The following SMYD3 variants were observed in gnomAD, a reference collection of about 807,000 sequenced individuals.
SMYD3 encodes SET and MYND domain containing 3, also known as histone-lysine N-methyltransferase SMYD3.
In SMYD3, 36 loss-of-function variants were observed where a neutral mutation model predicts 57.7. The ratio of observed to expected loss-of-function variants is 0.62; its 90% confidence interval spans 0.48 to 0.82. SMYD3 has a LOEUF of 0.82. Ranked by LOEUF, SMYD3 falls within the 40% of genes least tolerant of loss-of-function variation. The pLI, the probability that SMYD3 is intolerant of heterozygous loss-of-function variation, is 0.00. For synonymous variants in SMYD3, 211 were observed against 195.0 expected (o/e 1.08, Z -0.68); for missense variants, 515 against 538.8 (o/e 0.96, Z 0.44).
At chr1:246,179,806 A>G (rs1244081131) in intron 5 of SMYD3, among the ~76,000 whole-genome samples, 2 of 152,002 alleles carry the variant, frequency 1.3e-5, no homozygotes, top group Non-Finnish European at 2.9e-5. Flanking sequence ...GATAGCGGAG[A>G]TTTGGACCCT....
intron 5 of SMYD3, chr1:246,326,335 G>C (rs542518588): frequency 1.5e-6 from 1 of 688,286 alleles, no homozygotes; most frequent in African/African-American, 1.8e-5. Flanking sequence ...CAGTGAGGGG[G>C]TGTTTCTGTC....
intron 8 of SMYD3, among the ~76,000 whole-genome samples, chr1:245,868,850 C>T (rs991932562): frequency 2.0e-5 from 3 of 152,106 alleles, no homozygotes; most frequent in Admixed American, 2.0e-4. Context: ...CGTCTCCCCT[C>T]TCTCCACACC....
intron 5 of SMYD3, among the ~76,000 whole-genome samples, chr1:246,072,942 G>A (rs1037615245): frequency 2.0e-5 from 3 of 152,056 alleles, no homozygotes; most frequent in African/African-American, 7.2e-5. Flanking sequence ...CCTTTTTTCT[G>A]TGTCTCCATT....
chr1:245,932,468 C>A (rs1019565553), intron 5 of SMYD3, among the ~76,000 whole-genome samples: 1 of 152,130 alleles, frequency 6.6e-6, no homozygotes, highest in Non-Finnish European at 1.5e-5. Flanking sequence ...ACAACTGGAT[C>A]GTAAAATACT....
intron 5 of SMYD3, among the ~76,000 whole-genome samples, chr1:246,290,641 G>C (rs535969671): frequency 6.6e-5 from 10 of 152,180 alleles, no homozygotes; most frequent in African/African-American, 1.9e-4. Context: ...ATATCAATAA[G>C]CAATATCACA....
At position 246,107,026 on chromosome 1, in the gene SMYD3, A is replaced by G. The variant is rs539225770; in HGVS notation, c.532-177089T>C. Among the ~76,000 whole-genome samples the G allele has an allele frequency of 3.1e-3, 471 of 152,172 alleles. 1 individual carries two copies. The highest frequency in any genetic ancestry group is 5.2e-3 in the Non-Finnish European group (357 of 68,008). On this transcript the variant is annotated intron_variant, in intron 5 of 11. Coordinates refer to ENST00000490107, the MANE Select transcript of SMYD3 (RefSeq NM_001167740.2). ...TTAAAAAGAATTTTGAAGGCCGGGC[A>G]CGGTGGCTCACGCCTGTAATCCCAG...
chr1:246,239,067 A>T (rs1199476358), intron 5 of SMYD3, among the ~76,000 whole-genome samples: 2 of 152,124 alleles, frequency 1.3e-5, no homozygotes, highest in Non-Finnish European at 2.9e-5. Flanking sequence ...TTCCAGCAGG[A>T]CAGTGTGTAC....
chr1:246,113,184 A>T (rs1004044108), intron 5 of SMYD3, among the ~76,000 whole-genome samples: 13 of 145,520 alleles, frequency 8.9e-5, no homozygotes, highest in East Asian at 2.1e-4. Flanking sequence ...TCTGTCTCAA[A>T]AAATAAATAA....
At chr1:246,221,868 C>A (rs2063260536) in intron 5 of SMYD3, among the ~76,000 whole-genome samples, 1 of 152,136 alleles carries the variant, frequency 6.6e-6, no homozygotes, top group African/African-American at 2.4e-5. Flanking sequence ...CAGGTCCAAG[C>A]AAAACTCAGG....
At chr1:245,761,313 G>A (rs570243923) in intron 11 of SMYD3, among the ~76,000 whole-genome samples, 7 of 152,226 alleles carry the variant, frequency 4.6e-5, no homozygotes, top group South Asian at 4.2e-4. Context: ...TGAAAGAGGC[G>A]ATGCAACCTC....
At chr1:245,852,581 A>T (rs1057258088) in intron 10 of SMYD3, among the ~76,000 whole-genome samples, 1 of 152,212 alleles carries the variant, frequency 6.6e-6, no homozygotes, top group Non-Finnish European at 1.5e-5. Flanking sequence ...AAAGTAAAAC[A>T]TAAGTAATGA....
At chr1:245,986,277 T>C (rs986100752) in intron 5 of SMYD3, among the ~76,000 whole-genome samples, 1 of 152,190 alleles carries the variant, frequency 6.6e-6, no homozygotes, top group Non-Finnish European at 1.5e-5. Context: ...TCTGGAGAAG[T>C]TTTCTCATTA....
intron 5 of SMYD3, chr1:246,186,606 G>T: frequency 3.6e-6 from 1 of 275,510 alleles, no homozygotes; most frequent in Non-Finnish European, 5.5e-6. Context: ...CTAACTTTCT[G>T]AAAGCCCTCA....
intron 5 of SMYD3, among the ~76,000 whole-genome samples, chr1:246,099,150 G>C (rs180828037): frequency 6.6e-6 from 1 of 152,172 alleles, no homozygotes; most frequent in East Asian, 1.9e-4. Flanking sequence ...AGTTTGTGTC[G>C]GGCCTATCGG....
intron 2 of SMYD3, among the ~76,000 whole-genome samples, chr1:246,339,853 T>C (rs1164222580): frequency 1.3e-5 from 2 of 152,372 alleles, no homozygotes; most frequent in South Asian, 2.1e-4. Flanking sequence ...GCTCCCGTCA[T>C]GTGACGCCTT....
chr1:246,267,223 G>A (rs1322439821), intron 5 of SMYD3, among the ~76,000 whole-genome samples: 1 of 152,132 alleles, frequency 6.6e-6, no homozygotes, highest in Non-Finnish European at 1.5e-5. Context: ...GGCCAAAGAA[G>A]ACAGACCACA....
At chr1:246,378,654 T>C (rs1390801512) in intron 1 of SMYD3, among the ~76,000 whole-genome samples, 6 of 128,672 alleles carry the variant, frequency 4.7e-5, no homozygotes, top group East Asian at 4.1e-4. Flanking sequence ...TATATATATA[T>C]ACACACACAC....
At chr1:246,494,948 A>G (rs2068333030) in intron 1 of SMYD3, among the ~76,000 whole-genome samples, 1 of 152,232 alleles carries the variant, frequency 6.6e-6, no homozygotes, top group Admixed American at 6.5e-5. Context: ...ATTTTACCTT[A>G]GCCCTTGGAT....
chr1:246,287,613 G>A (rs2064596089), intron 5 of SMYD3, among the ~76,000 whole-genome samples: 1 of 152,092 alleles, frequency 6.6e-6, no homozygotes, highest in Non-Finnish European at 1.5e-5. Flanking sequence ...ACCAAGTTTT[G>A]GGAATACTAT....
Sources: allele counts gnomAD v4.1 joint callset (sites outside exome capture counted in the v4.1 genomes callset), GRCh38; gene constraint gnomAD v4.1.1; transcripts MANE v1.5; gene names NCBI Gene and HGNC (gene_info 2026-07-23, HGNC 2026-07-21).